The following KHDRBS2 variants were observed in gnomAD, a reference collection of about 807,000 sequenced individuals.
KHDRBS2 encodes the protein KH domain-containing, RNA-binding, signal transduction-associated protein 2.
In KHDRBS2, 26 loss-of-function variants were observed where a neutral mutation model predicts 44.3. That is an observed-to-expected ratio of 0.59 (90% CI 0.43 to 0.81). The LOEUF is 0.81. Among genes scored for constraint, KHDRBS2 ranks in the 40% least tolerant of loss-of-function variants. The pLI, the probability that KHDRBS2 is intolerant of heterozygous loss-of-function variation, is 0.00. For missense variants in KHDRBS2, 476 were observed against 433.1 expected (o/e 1.10, Z -0.88); for synonymous variants, 194 against 151.1 (o/e 1.28, Z -2.08).
intron 6 of KHDRBS2, among the ~76,000 whole-genome samples, chr6:61,835,645 A>G (rs1221536402): frequency 1.3e-5 from 2 of 151,736 alleles, no homozygotes; most frequent in Non-Finnish European, 2.9e-5. Context: ...ATAATATTTC[A>G]TTGACATCAT....
At chr6:62,087,741 C>T (rs1798676234) in intron 2 of KHDRBS2, among the ~76,000 whole-genome samples, 2 of 152,240 alleles carry the variant, frequency 1.3e-5, no homozygotes, top group Middle Eastern at 3.4e-3. Flanking sequence ...GTTGGCCTGT[C>T]TTGCTAGGTT....
chr6:61,804,342 C>T (rs1390249506), intron 6 of KHDRBS2, among the ~76,000 whole-genome samples: 1 of 152,164 alleles, frequency 6.6e-6, no homozygotes, highest in African/African-American at 2.4e-5. Context: ...AGCCCCATCC[C>T]TGTGGCTTTG....
intron 7 of KHDRBS2, among the ~76,000 whole-genome samples, chr6:61,715,241 G>T (rs1417332135): frequency 1.3e-5 from 2 of 151,832 alleles, no homozygotes; most frequent in Non-Finnish European, 2.9e-5. Flanking sequence ...AACCAATGGA[G>T]AATTTATTGA....
chr6:61,594,722 A>G, the KHDRBS2 span, among the ~76,000 whole-genome samples: 1 of 152,106 alleles, frequency 6.6e-6, no homozygotes, highest in African/African-American at 2.4e-5. Context: ...AACTTAACAT[A>G]TCAAATAAAT....
intron 2 of KHDRBS2, among the ~76,000 whole-genome samples, chr6:62,060,395 C>T (rs997863441): frequency 6.6e-6 from 1 of 151,586 alleles, no homozygotes; most frequent in African/African-American, 2.4e-5. Context: ...TGGAAGACTA[C>T]ACAAAGACCT....
chr6:61,546,105 C>T, the KHDRBS2 span, among the ~76,000 whole-genome samples: 9 of 151,792 alleles, frequency 5.9e-5, no homozygotes, highest in African/African-American at 2.2e-4. Flanking sequence ...TGACATTAAA[C>T]CAAAAATCTT....
intron 2 of KHDRBS2, among the ~76,000 whole-genome samples, chr6:62,051,152 G>C (rs185642429): frequency 1.1e-4 from 17 of 151,990 alleles, no homozygotes. Flanking sequence ...GAAATATCTG[G>C]GGTGACAGAA....
intron 6 of KHDRBS2, among the ~76,000 whole-genome samples, chr6:61,788,789 T>C (rs1784201163): frequency 6.6e-6 from 1 of 151,180 alleles, no homozygotes; most frequent in East Asian, 1.9e-4. Context: ...ATGCCATTCC[T>C]AGGAAGTAAA....
chr6:61,610,051 C>T, the KHDRBS2 span, among the ~76,000 whole-genome samples: 4 of 152,030 alleles, frequency 2.6e-5, no homozygotes, highest in African/African-American at 9.7e-5. Flanking sequence ...TGGTTGGTGC[C>T]TGTAGTCCCA....
intron 2 of KHDRBS2, among the ~76,000 whole-genome samples, chr6:62,124,255 A>G (rs2150084978): frequency 6.6e-6 from 1 of 152,254 alleles, no homozygotes; most frequent in African/African-American, 2.4e-5. Flanking sequence ...CTGAGTACCA[A>G]TTTCAAGCAA....
rs142345722 is a variant in KHDRBS2 at position 62,060,698 on chromosome 6, A to T, written c.220-12704T>A. On this transcript the variant is annotated intron_variant, in intron 2 of 8. Transcript: ENST00000281156. The stretch of plus-strand genomic sequence containing the variant: ...AATATCTACCACAAGTATTAAAAAC[A>T]ATTGCTCTTGTCTGCTATAAGACCC... Among the ~76,000 whole-genome samples, 3 of 151,828 alleles carry T rather than the reference A, an allele frequency of 2.0e-5. No homozygotes were observed. The East Asian group carries it at 5.9e-4, about 30-fold the overall frequency.
intron 2 of KHDRBS2, among the ~76,000 whole-genome samples, chr6:62,085,718 G>C (rs774663898): frequency 1.3e-5 from 2 of 152,000 alleles, no homozygotes; most frequent in Non-Finnish European, 2.9e-5. Flanking sequence ...GCAATGTATT[G>C]ACAAATAAAT....
intron 1 of KHDRBS2, among the ~76,000 whole-genome samples, chr6:62,269,347 C>T (rs377761535): frequency 2.6e-4 from 39 of 152,116 alleles, no homozygotes; most frequent in East Asian, 1.9e-4. Context: ...TTGTAACAAA[C>T]GATGCAAACC....
chr6:61,697,581 A>G (rs1768052121), intron 7 of KHDRBS2, among the ~76,000 whole-genome samples: 1 of 152,170 alleles, frequency 6.6e-6, no homozygotes, highest in African/African-American at 2.4e-5. Flanking sequence ...AGTGCTCTCT[A>G]AGATGACAAT....
intron 3 of KHDRBS2, among the ~76,000 whole-genome samples, chr6:62,044,204 T>A (rs143436720): frequency 1.2e-3 from 184 of 151,976 alleles, no homozygotes; most frequent in African/African-American, 4.1e-3. Context: ...GTGGCTCACA[T>A]CTATAATCCC....
chr6:61,581,180 C>T, the KHDRBS2 span, among the ~76,000 whole-genome samples: 2 of 152,092 alleles, frequency 1.3e-5, no homozygotes, highest in African/African-American at 4.8e-5. Context: ...TAGATTTTGC[C>T]ATGCAAATGT....
chr6:62,240,469 G>A (rs1044259341), intron 1 of KHDRBS2, among the ~76,000 whole-genome samples: 1 of 151,544 alleles, frequency 6.6e-6, no homozygotes, highest in African/African-American at 2.4e-5. Context: ...GTCATTGCTT[G>A]CAGGCTAGTT....
chr6:61,812,655 TACATTTC>T (rs1237692453), intron 6 of KHDRBS2, among the ~76,000 whole-genome samples: 1 of 152,086 alleles, frequency 6.6e-6, no homozygotes, highest in Non-Finnish European at 1.5e-5. Flanking sequence ...AGATTCATAA[TACATTTC>T]ACATAGTCAA....
Position 62,124,586 on chromosome 6 carries a change from T to TACACACACACAC in KHDRBS2, c.219+52587_219+52598dup, listed in dbSNP as rs57845781. On this transcript the variant is annotated intron_variant, in intron 2 of 8. Transcript: ENST00000281156. ...TCATGAAACCTTTTCTGAACTATAC[T>TACACACACACAC]ACACACACACACACACACACACACA... Among the ~76,000 whole-genome samples the TACACACACACAC allele has an allele frequency of 6.2e-3, 898 of 145,080 alleles. 5 individuals carry two copies. The highest frequency in any genetic ancestry group is 9.0e-3 in the Non-Finnish European group (592 of 65,890).
Sources: gnomAD v4.1 joint callset for allele counts (sites outside exome capture counted in the v4.1 genomes callset) on GRCh38, gnomAD v4.1.1 for gene constraint, MANE v1.5 for transcripts, NCBI Gene and HGNC (gene_info 2026-07-23, HGNC 2026-07-21) for gene names.